The following NT5DC1 variants were observed in gnomAD, a reference collection of about 807,000 sequenced individuals.
NT5DC1 encodes the protein 5'-nucleotidase domain containing 1.
NT5DC1 carries 42 observed loss-of-function variants against 59.4 expected under a neutral mutation model. The observed-to-expected ratio is 0.71, with a 90% CI of 0.55 to 0.92. The LOEUF (loss-of-function observed/expected upper bound fraction) is 0.92, where lower values mean the gene tolerates loss of function less well. Ranked by LOEUF, NT5DC1 falls within the 40% of genes least tolerant of loss-of-function variation. NT5DC1 has a pLI of 0.00. For synonymous variants in NT5DC1, 172 were observed against 188.1 expected, an observed-to-expected ratio of 0.91 and a Z score of 0.70; for missense variants, 501 against 537.1, an observed-to-expected ratio of 0.93 and a Z score of 0.66.
At chr6:116,174,871 G>C (rs145305288) in intron 6 of NT5DC1, among the ~76,000 whole-genome samples, 50 of 152,152 alleles carry the variant, frequency 3.3e-4, no homozygotes, top group Non-Finnish European at 6.2e-4. Context: ...CACTACATAA[G>C]CCATTTTAGG....
At chr6:116,177,061 A>G (rs138220185) in intron 6 of NT5DC1, among the ~76,000 whole-genome samples, 209 of 152,334 alleles carry the variant, frequency 1.4e-3, no homozygotes, top group African/African-American at 5.0e-3. Context: ...TGAAGTTTTG[A>G]TTTATAGTAT....
intron 6 of NT5DC1, among the ~76,000 whole-genome samples, chr6:116,126,768 T>A (rs908530877): frequency 6.6e-6 from 1 of 152,160 alleles, no homozygotes; most frequent in Non-Finnish European, 1.5e-5. Flanking sequence ...CCCCTTAATT[T>A]GATAATCTCA....
chr6:116,184,674 G>A (rs1780957210), intron 6 of NT5DC1, among the ~76,000 whole-genome samples: 1 of 151,972 alleles, frequency 6.6e-6, no homozygotes, highest in Non-Finnish European at 1.5e-5. Flanking sequence ...TATGCCCATA[G>A]AGGTGTTCAT....
chr6:116,129,046 A>G lies in NT5DC1; in HGVS notation c.529+11101A>G, dbSNP rs567638986. 1.6e-4 allele frequency among the ~76,000 whole-genome samples: 25 copies of G among 152,218 alleles called. No individual in the cohort carries two copies. The South Asian group carries it at 5.2e-3, about 32-fold the overall frequency. On this transcript the variant is annotated intron_variant, in intron 6 of 11. Coordinates refer to ENST00000319550, the MANE Select transcript of NT5DC1 (RefSeq NM_152729.3). ...TCTCTTTTCATTCACCACTCCTTCA[A>G]ATTTTGAAGTAAATCCCATATATTG...
In NT5DC1 at chr6:116,215,374, A is replaced by G. The variant is rs564522206; in HGVS notation, c.530-5680A>G. Reference sequence around the variant, plus strand: ...AGCCTAAGCTGACTGTAAGCTCTATATTTTGAAGTTGCTGACAAACAACAG... The same window carrying G: ...AGCCTAAGCTGACTGTAAGCTCTATGTTTTGAAGTTGCTGACAAACAACAG... On this transcript the variant is annotated intron_variant, in intron 6 of 11. Transcript: ENST00000319550. 1.3e-4 allele frequency among the ~76,000 whole-genome samples: 20 copies of G among 152,262 alleles called. No homozygotes were observed. The East Asian group carries it at 1.7e-3, about 13-fold the overall frequency.
Position 116,109,575 on chromosome 6 carries a change from T to C in NT5DC1, c.257+1140T>C, listed in dbSNP as rs143199993. 3.9e-5 allele frequency among the ~76,000 whole-genome samples: 6 copies of C among 152,322 alleles called. No individual in the cohort carries two copies. The East Asian group carries it at 1.2e-3, about 29-fold the overall frequency. Reference sequence around the variant, plus strand: ...CAAGGTCTGTCTCTCTCCATCCAAGTCCTGGCTAACCTTTAGTTTCTCCTG... The same window carrying C: ...CAAGGTCTGTCTCTCTCCATCCAAGCCCTGGCTAACCTTTAGTTTCTCCTG... On this transcript the variant is annotated intron_variant, in intron 3 of 11. Coordinates refer to ENST00000319550, the MANE Select transcript of NT5DC1 (RefSeq NM_152729.3).
intron 6 of NT5DC1, among the ~76,000 whole-genome samples, chr6:116,205,034 G>A (rs1352015701): frequency 1.3e-5 from 2 of 151,966 alleles, no homozygotes; most frequent in Non-Finnish European, 2.9e-5. Flanking sequence ...GTGTATGCAA[G>A]TCCGTAGAAA....
chr6:116,163,166 G>T (rs1377021977), intron 6 of NT5DC1, among the ~76,000 whole-genome samples: 81 of 121,878 alleles, frequency 6.6e-4, no homozygotes, highest in African/African-American at 2.6e-3. Flanking sequence ...ATATATATTA[G>T]TAATATTGAT....
At chr6:116,186,467 AT>A (rs1437349808) in intron 6 of NT5DC1, among the ~76,000 whole-genome samples, 1 of 151,886 alleles carries the variant, frequency 6.6e-6, no homozygotes, top group East Asian at 1.9e-4. Context: ...TCCCTCAAAC[AT>A]GTTTCCCAGA....
At position 116,153,659 on chromosome 6, in the gene NT5DC1, ATTG is replaced by A. The variant is rs563030084; in HGVS notation, c.529+35719_529+35721del. 2.3e-3 allele frequency among the ~76,000 whole-genome samples: 348 copies of A among 152,292 alleles called. 2 individuals carry two copies. Among genetic ancestry groups the A allele is most frequent in the African/African-American group, 8.2e-3 (342 of 41,580 alleles). On this transcript the variant is annotated intron_variant, in intron 6 of 11. Coordinates refer to ENST00000319550, the MANE Select transcript of NT5DC1 (RefSeq NM_152729.3). ...TAGAAAAGTTGCATATAAAATTGCT[ATTG>A]TTGTCAAAAACAGTCAAATATTGGC...
chr6:116,200,001 G>GA (rs57418957), intron 6 of NT5DC1, among the ~76,000 whole-genome samples: 4 of 149,858 alleles, frequency 2.7e-5, no homozygotes, highest in African/African-American at 9.9e-5. Context: ...ATGGAAAGTG[G>GA]GGGGGGAAGA....
intron 6 of NT5DC1, among the ~76,000 whole-genome samples, chr6:116,148,218 G>A (rs1022247840): frequency 6.6e-6 from 1 of 152,052 alleles, no homozygotes; most frequent in African/African-American, 2.4e-5. Flanking sequence ...GTAAGTTGGG[G>A]ACAGGGGTGG....
chr6:116,124,821 G>A (rs758371085), intron 6 of NT5DC1, among the ~76,000 whole-genome samples: 11 of 152,100 alleles, frequency 7.2e-5, no homozygotes, highest in Non-Finnish European at 1.5e-4. Context: ...TGCCTGCTTG[G>A]CAATTCTCAT....
chr6:116,232,849 T>C (rs1456496465), intron 8 of NT5DC1, among the ~76,000 whole-genome samples: 2 of 152,250 alleles, frequency 1.3e-5, no homozygotes, highest in Non-Finnish European at 2.9e-5. Flanking sequence ...AAGACATAGC[T>C]ATATTTAGGA....
intron 6 of NT5DC1, among the ~76,000 whole-genome samples, chr6:116,220,594 T>C (rs1781779353): frequency 6.6e-6 from 1 of 152,232 alleles, no homozygotes; most frequent in Non-Finnish European, 1.5e-5. Context: ...ACTGTGACTC[T>C]GAGGAACTCA....
intron 8 of NT5DC1, 101 bp from the exon 9 acceptor site, chr6:116,236,865 C>G (rs1782123383): frequency 1.4e-6 from 1 of 699,304 alleles, no homozygotes; most frequent in African/African-American, 1.8e-5. Context: ...CCACAAGGTT[C>G]TTGTTTGTAC....
At chr6:116,122,444 T>C (rs1472870806) in intron 6 of NT5DC1, among the ~76,000 whole-genome samples, 2 of 152,294 alleles carry the variant, frequency 1.3e-5, no homozygotes, top group South Asian at 2.1e-4. Flanking sequence ...CAGGTTAGAT[T>C]TTGGTTGATT....
intron 6 of NT5DC1, among the ~76,000 whole-genome samples, chr6:116,174,201 G>A (rs1274136684): frequency 6.6e-6 from 1 of 152,126 alleles, no homozygotes; most frequent in Admixed American, 6.5e-5. Context: ...TTTCTCTACT[G>A]TAAAGTTACT....
intron 6 of NT5DC1, among the ~76,000 whole-genome samples, chr6:116,195,691 A>G (rs1362208947): frequency 2.0e-5 from 3 of 152,054 alleles, no homozygotes; most frequent in Non-Finnish European, 2.9e-5. Flanking sequence ...TCTTTAGAAT[A>G]TGGTAGACTC....
Sources: allele counts gnomAD v4.1 joint callset (sites outside exome capture counted in the v4.1 genomes callset), GRCh38; gene constraint gnomAD v4.1.1; transcripts MANE v1.5; gene names NCBI Gene and HGNC (gene_info 2026-07-23, HGNC 2026-07-21).